TMOD2: variants seen among roughly 807,000 people sequenced by gnomAD.
TMOD2 encodes the protein tropomodulin 2, also known as tropomodulin-2.
Under a neutral mutation model 39.9 loss-of-function variants are expected in TMOD2, and 22 were observed. The observed-to-expected ratio is 0.55, with a 90% CI of 0.39 to 0.79. TMOD2 has a LOEUF of 0.79. Among genes scored for constraint, TMOD2 ranks in the 30% least tolerant of loss-of-function variants. The pLI, the probability that TMOD2 is intolerant of heterozygous loss-of-function variation, is 0.00. For synonymous variants in TMOD2, 123 were observed against 146.1 expected (o/e 0.84, Z 1.14); for missense variants, 386 against 413.3 (o/e 0.93, Z 0.57).
chr15:51,766,596 G>T, intron 2 of TMOD2, 29 bp downstream of exon 2: 1 of 1,609,110 alleles, frequency 6.2e-7, no homozygotes, highest in Non-Finnish European at 8.5e-7. Flanking sequence ...AAGCAGAGTG[G>T]TTAATGATAG....
intron 1 of TMOD2, among the ~76,000 whole-genome samples, chr15:51,754,312 G>A (rs566834601): frequency 8.8e-4 from 134 of 152,280 alleles, no homozygotes; most frequent in Non-Finnish European, 1.5e-3. Flanking sequence ...AGTGTTGGGG[G>A]AAAAATGATT....
chr15:51,792,874 G>T (rs747718890), intron 7 of TMOD2, among the ~76,000 whole-genome samples: 17 of 152,218 alleles, frequency 1.1e-4, no homozygotes, highest in Non-Finnish European at 1.9e-4. Flanking sequence ...AGGGTGGGGT[G>T]CTAGGGGAGG....
At chr15:51,791,335 C>T (rs2056010269) in intron 7 of TMOD2, among the ~76,000 whole-genome samples, 1 of 152,054 alleles carries the variant, frequency 6.6e-6, no homozygotes, top group Non-Finnish European at 1.5e-5. Context: ...CAAAACACTG[C>T]TCAAGGAAAT....
intron 8 of TMOD2, among the ~76,000 whole-genome samples, chr15:51,800,301 G>A (rs1195223612): frequency 2.6e-5 from 4 of 152,170 alleles, no homozygotes; most frequent in Non-Finnish European, 5.9e-5. Context: ...TTGGGAGGCC[G>A]AGGCGAGCAG....
At chr15:51,773,417 C>T (rs2055866547) in intron 3 of TMOD2, among the ~76,000 whole-genome samples, 1 of 152,164 alleles carries the variant, frequency 6.6e-6, no homozygotes, top group Non-Finnish European at 1.5e-5. Context: ...CTGCCCAGAC[C>T]CAAGGGCAGT....
chr15:51,759,315 A>T (rs1567234358), intron 1 of TMOD2, among the ~76,000 whole-genome samples: 1 of 152,150 alleles, frequency 6.6e-6, no homozygotes, highest in Admixed American at 6.5e-5. Context: ...CCAAGGAGAG[A>T]TGTGAATTAG....
intron 1 of TMOD2, among the ~76,000 whole-genome samples, chr15:51,753,407 G>A (rs2055720855): frequency 1.3e-5 from 2 of 152,184 alleles, no homozygotes; most frequent in African/African-American, 4.8e-5. Context: ...AAGCAATAAG[G>A]AGGCATAATT....
intron 7 of TMOD2, among the ~76,000 whole-genome samples, chr15:51,787,627 G>C (rs2055980069): frequency 6.6e-6 from 1 of 152,320 alleles, no homozygotes; most frequent in Admixed American, 6.5e-5. Flanking sequence ...CATACAGGTG[G>C]GTGTCCCTCT....
intron 2 of TMOD2, 74 bp downstream of exon 2, chr15:51,766,641 T>C: frequency 1.3e-6 from 2 of 1,484,330 alleles, no homozygotes; most frequent in Non-Finnish European, 1.8e-6. Flanking sequence ...CCTTAAACAA[T>C]GGTAGAAATC....
At chr15:51,790,731 TAAAC>T (rs1178498901) in intron 7 of TMOD2, among the ~76,000 whole-genome samples, 1 of 152,100 alleles carries the variant, frequency 6.6e-6, no homozygotes, top group Non-Finnish European at 1.5e-5. Context: ...ATCCATCACA[TAAAC>T]AAAACCAACT....
At chr15:51,762,242 A>C (rs932461752) in intron 1 of TMOD2, among the ~76,000 whole-genome samples, 3 of 151,978 alleles carry the variant, frequency 2.0e-5, no homozygotes, top group Non-Finnish European at 4.4e-5. Context: ...GGATTGTTTG[A>C]AGACTGGAGT....
chr15:51,804,233 T>C (rs2056107797), intron 8 of TMOD2, among the ~76,000 whole-genome samples: 1 of 152,244 alleles, frequency 6.6e-6, no homozygotes, highest in Admixed American at 6.5e-5. Flanking sequence ...AAATACACTA[T>C]GATCCATCAC....
At chr15:51,793,722 A>G (rs1426408190) in intron 7 of TMOD2, among the ~76,000 whole-genome samples, 1 of 152,214 alleles carries the variant, frequency 6.6e-6, no homozygotes, top group Non-Finnish European at 1.5e-5. Context: ...TCAGCACAAG[A>G]AAGTGTTTTC....
rs562464402 is a variant in TMOD2, at chr15:51,793,770, G to T, written c.733-4427G>T. ...GAAATTGGCAAGATCCTGGCAACTC[G>T]CCAGGAGGTCCTGCAACTTTCTGTA... is the stretch of plus-strand genomic sequence containing the variant. On this transcript the variant is annotated intron_variant, in intron 7 of 9. Transcript: ENST00000249700. 6.6e-5 allele frequency among the ~76,000 whole-genome samples: 10 copies of T among 152,276 alleles called. No individual in the cohort carries two copies. The South Asian group carries it at 1.5e-3, about 22-fold the overall frequency.
intron 7 of TMOD2, among the ~76,000 whole-genome samples, chr15:51,793,948 A>G (rs1339871597): frequency 6.6e-6 from 1 of 152,238 alleles, no homozygotes; most frequent in East Asian, 1.9e-4. Context: ...GCACAGAATA[A>G]ATGCACTTTA....
chr15:51,764,900 G>A (rs1410585614), intron 1 of TMOD2, among the ~76,000 whole-genome samples: 1 of 152,058 alleles, frequency 6.6e-6, no homozygotes, highest in Non-Finnish European at 1.5e-5. Context: ...TTCCCCATGT[G>A]TTTTCAAACC....
intron 4 of TMOD2, among the ~76,000 whole-genome samples, chr15:51,775,803 C>G (rs888120263): frequency 2.0e-5 from 3 of 152,054 alleles, no homozygotes; most frequent in African/African-American, 7.2e-5. Flanking sequence ...GTCTCGATTT[C>G]TTGACCTCGT....
At chr15:51,757,830 C>A (rs1402182892) in intron 1 of TMOD2, among the ~76,000 whole-genome samples, 1 of 152,184 alleles carries the variant, frequency 6.6e-6, no homozygotes, top group African/African-American at 2.4e-5. Flanking sequence ...ATACTGCATT[C>A]TTCTCCACAG....
intron 2 of TMOD2, among the ~76,000 whole-genome samples, chr15:51,767,463 GT>G (rs1434275552): frequency 6.6e-6 from 1 of 152,172 alleles, no homozygotes; most frequent in Non-Finnish European, 1.5e-5. Context: ...AGTTTCTAAT[GT>G]TTTTATAAGT....
Sources: gnomAD v4.1 joint callset for allele counts (sites outside exome capture counted in the v4.1 genomes callset) on GRCh38, gnomAD v4.1.1 for gene constraint, MANE v1.5 for transcripts, NCBI Gene and HGNC (gene_info 2026-07-23, HGNC 2026-07-21) for gene names.